DNAI1: variants seen among roughly 807,000 people sequenced by gnomAD.
The protein encoded by DNAI1 is dynein axonemal intermediate chain 1, also known as dynein, axonemal, intermediate polypeptide 1.
A neutral mutation model predicts 92.0 loss-of-function variants in DNAI1; 67 were observed. That is an observed-to-expected ratio of 0.73 (90% confidence interval 0.60 to 0.89). The LOEUF (loss-of-function observed/expected upper bound fraction) is 0.89. Ranked by LOEUF, DNAI1 falls within the 40% of genes least tolerant of loss-of-function variation. The probability of loss-of-function intolerance (pLI) is 0.00; values close to 1 mark genes in which losing one functional copy is unlikely to be tolerated. For synonymous variants in DNAI1, 323 were observed against 319.6 expected, an observed-to-expected ratio of 1.01 and a Z score of -0.11; for missense variants, 839 against 866.6, an observed-to-expected ratio of 0.97 and a Z score of 0.40.
chr9:34,514,225 C>T (rs998936503), intron 16 of DNAI1, among the ~76,000 whole-genome samples, 169 bp from the exon 17 acceptor site: 1 of 152,162 alleles, frequency 6.6e-6, no homozygotes, highest in African/African-American at 2.4e-5. Flanking sequence ...TTCCTTTCCC[C>T]CAGGGTGTGC....
intron 12 of DNAI1, among the ~76,000 whole-genome samples, chr9:34,505,102 A>T (rs141364362): frequency 2.3e-3 from 355 of 152,332 alleles, no homozygotes; most frequent in Non-Finnish European, 4.1e-3. Context: ...CTGCTGGAAT[A>T]AACTACCACA....
intron 15 of DNAI1, among the ~76,000 whole-genome samples, chr9:34,512,908 T>C (rs907620458): frequency 6.6e-6 from 1 of 152,218 alleles, no homozygotes; most frequent in African/African-American, 2.4e-5. Context: ...TGCAGAATCC[T>C]AACTGCCTGG....
At position 34,485,141 on chromosome 9, in the gene DNAI1, G is replaced by A; in HGVS notation, c.82-1G>A. On this transcript the variant is annotated splice_acceptor_variant, in intron 2 of 19. Coordinates refer to ENST00000242317, the MANE Select transcript of DNAI1 (RefSeq NM_012144.4). LOFTEE classifies it high-confidence loss of function. Reference sequence around the variant, plus strand: ...AAGCCTCATGTGAGGTTTTTGTCTAGGATGAAGATTCAGGGACTGAAGTGG... The same window carrying A: ...AAGCCTCATGTGAGGTTTTTGTCTAAGATGAAGATTCAGGGACTGAAGTGG... 6.2e-7 allele frequency: 1 copy of A among 1,614,164 alleles called. No homozygotes were observed. The highest frequency in any genetic ancestry group is 8.5e-7 in the Non-Finnish European group (1 of 1,180,032).
intron 6 of DNAI1, 92 bp downstream of exon 6, chr9:34,490,216 C>G: frequency 6.2e-7 from 1 of 1,610,784 alleles, no homozygotes; most frequent in South Asian, 1.1e-5. Context: ...GGAGGGAGAC[C>G]TAAGGTGAGA....
chr9:34,481,755 C>T (rs1467956984), intron 1 of DNAI1, among the ~76,000 whole-genome samples: 2 of 152,020 alleles, frequency 1.3e-5, no homozygotes, highest in Non-Finnish European at 2.9e-5. Context: ...TCCTGGTGGG[C>T]TCGTGGTCTT....
chr9:34,510,313 C>G (rs1287646070), intron 13 of DNAI1, among the ~76,000 whole-genome samples: 1 of 152,166 alleles, frequency 6.6e-6, no homozygotes, highest in Non-Finnish European at 1.5e-5. Context: ...CTGTGCAGGC[C>G]CTACTGTGAA....
chr9:34,489,088 T>G (rs760264570), intron 4 of DNAI1: 3 of 476,632 alleles, frequency 6.3e-6, no homozygotes, highest in Non-Finnish European at 1.1e-5. Context: ...GGCAAGGTAT[T>G]TTAAAATAAA....
intron 10 of DNAI1, among the ~76,000 whole-genome samples, chr9:34,498,710 G>A (rs1824771441): frequency 6.6e-6 from 1 of 152,204 alleles, no homozygotes; most frequent in African/African-American, 2.4e-5. Flanking sequence ...AGAGTTGGCA[G>A]CTCCTCGATG....
intron 12 of DNAI1, among the ~76,000 whole-genome samples, chr9:34,506,265 C>T (rs150074836): frequency 2.0e-5 from 3 of 152,290 alleles, no homozygotes; most frequent in African/African-American, 4.8e-5. Flanking sequence ...AAGCTGCCTG[C>T]CCTTGGCTGG....
intron 19 of DNAI1, among the ~76,000 whole-genome samples, chr9:34,518,736 C>T (rs1361209443): frequency 6.6e-6 from 1 of 152,222 alleles, no homozygotes; most frequent in Non-Finnish European, 1.5e-5. Context: ...GGGAGGAGTA[C>T]AGCCATGACA....
chr9:34,467,613 A>T (rs928667179), intron 1 of DNAI1, among the ~76,000 whole-genome samples: 2 of 152,152 alleles, frequency 1.3e-5, no homozygotes, highest in African/African-American at 4.8e-5. Context: ...CAGCATGGGC[A>T]ACAGAGTGAG....
At chr9:34,484,354 A>G (rs1394946752) in intron 2 of DNAI1, among the ~76,000 whole-genome samples, 1 of 152,258 alleles carries the variant, frequency 6.6e-6, no homozygotes, top group African/African-American at 2.4e-5. Flanking sequence ...GTAAAAGAGT[A>G]TAAACAGTTA....
At chr9:34,507,006 G>A in intron 13 of DNAI1, 132 bp downstream of exon 13, 5 of 1,377,408 alleles carry the variant, frequency 3.6e-6, no homozygotes, top group Non-Finnish European at 5.0e-6. Context: ...ATCAGGTCAG[G>A]ATCTGGGTGT....
chr9:34,483,481 G>GT lies in DNAI1; in HGVS notation c.81+2dup, dbSNP rs1277629244. ...CATAGGCAGAGGAACCAGGAAGAGA[G>GT]TAAGTGCTGAGACTACCATGGTCTC... is the stretch of plus-strand genomic sequence containing the variant. On this transcript the variant is annotated splice_donor_variant, in intron 2 of 19. Coordinates refer to ENST00000242317, the MANE Select transcript of DNAI1 (RefSeq NM_012144.4). LOFTEE classifies it high-confidence loss of function. The GT allele has an allele frequency of 2.5e-6, 4 of 1,612,124 alleles. No homozygotes were observed. Among genetic ancestry groups the GT allele is most frequent in the Non-Finnish European group, 3.4e-6 (4 of 1,179,700 alleles).
intron 19 of DNAI1, 84 bp from the exon 20 acceptor site, chr9:34,520,574 C>G: frequency 7.9e-7 from 1 of 1,270,464 alleles, no homozygotes; most frequent in Admixed American, 2.0e-5. Flanking sequence ...CACAGCTGGA[C>G]AGGCTGGGCA....
At chr9:34,467,000 G>T (rs1393807560) in intron 1 of DNAI1, among the ~76,000 whole-genome samples, 2 of 152,272 alleles carry the variant, frequency 1.3e-5, no homozygotes, top group East Asian at 3.9e-4. Flanking sequence ...TTCATGCTAG[G>T]CAATGTCAGC....
At chr9:34,487,781 C>T (rs1824502817) in intron 4 of DNAI1, among the ~76,000 whole-genome samples, 1 of 152,172 alleles carries the variant, frequency 6.6e-6, no homozygotes, top group Non-Finnish European at 1.5e-5. Context: ...CCTTACCCAA[C>T]CTCCCAATAG....
intron 7 of DNAI1, 131 bp downstream of exon 7, chr9:34,490,619 C>A: frequency 7.6e-7 from 1 of 1,320,176 alleles, no homozygotes; most frequent in Non-Finnish European, 1.1e-6. Flanking sequence ...TACAGCTTAT[C>A]TCCCCAAGGA....
intron 4 of DNAI1, chr9:34,487,838 A>G (rs1180499838): frequency 6.2e-6 from 1 of 160,046 alleles, no homozygotes; most frequent in Non-Finnish European, 1.4e-5. Flanking sequence ...TTTCCATCTC[A>G]TTGGTCCTGA....
Sources: gnomAD v4.1 joint callset for allele counts (sites outside exome capture counted in the v4.1 genomes callset) on GRCh38, gnomAD v4.1.1 for gene constraint, MANE v1.5 for transcripts, NCBI Gene and HGNC (gene_info 2026-07-23, HGNC 2026-07-21) for gene names.